ZC3H7A: variants seen among roughly 807,000 people sequenced by gnomAD.
ZC3H7A encodes the protein zinc finger CCCH-type containing 7A.
In ZC3H7A, 44 loss-of-function variants were observed where a neutral mutation model predicts 125.5. The observed-to-expected ratio is 0.35, with a 90% CI of 0.28 to 0.45. ZC3H7A has a LOEUF of 0.45. Among genes scored for constraint, ZC3H7A ranks in the 20% least tolerant of loss-of-function variants. ZC3H7A has a pLI of 1.00. For missense variants in ZC3H7A, 977 were observed against 1,170.7 expected (o/e 0.83, Z 2.41); for synonymous variants, 399 against 391.2 (o/e 1.02, Z -0.23).
chr16:11,791,159 C>T (rs187489664), intron 1 of ZC3H7A, among the ~76,000 whole-genome samples: 3 of 150,106 alleles, frequency 2.0e-5, no homozygotes, highest in Non-Finnish European at 4.4e-5. Context: ...TGCTTAAGAC[C>T]CTTCAGCAGT....
In ZC3H7A at chr16:11,765,168, G is replaced by GA. The variant is rs1567378318; in HGVS notation, c.1720-16dup. 7.0e-7 allele frequency: 1 copy of GA among 1,436,004 alleles called. No homozygotes were observed. Among genetic ancestry groups the GA allele is most frequent in the African/African-American group, 1.5e-5 (1 of 67,574 alleles). The allele number at this position is 1,436,004 out of a possible 1,614,324, so 89.0% of individuals were successfully genotyped here. A position where few individuals can be genotyped will look rare whatever the true frequency, so the allele number is the denominator to read the frequency against. ...TCAAAACATTTCTGGAATAGAGAGA[G>GA]AAAGATTATCAAAAAAAATACAAAA... On this transcript the variant is annotated splice_polypyrimidine_tract_variant and intron_variant, in intron 14 of 22. Coordinates refer to ENST00000355758, the MANE Select transcript of ZC3H7A (RefSeq NM_014153.4). The surrounding 1 kb of genome is among the most constrained non-coding windows in gnomAD (Gnocchi z 4.8).
At chr16:11,777,406 C>G (rs10492854) in intron 4 of ZC3H7A, among the ~76,000 whole-genome samples, 1 of 151,996 alleles carries the variant, frequency 6.6e-6, no homozygotes, top group African/African-American at 2.4e-5. Context: ...TATATTTTAC[C>G]GAGTATCCAC....
Position 11,780,462 on chromosome 16 carries a change from G to C in ZC3H7A, c.108+963C>G, listed in dbSNP as rs111871842. On this transcript the variant is annotated intron_variant, in intron 3 of 22. Transcript: ENST00000355758. ...AAAGCTCTTTTTCATCACAAGATCA[G>C]AAAAATATTCAACTTGTTTTGTCTC... Among the ~76,000 whole-genome samples, 772 of 152,186 alleles carry C rather than the reference G, an allele frequency of 5.1e-3. 3 individuals are homozygous for C. Among genetic ancestry groups the C allele is most frequent in the Non-Finnish European group, 7.6e-3 (516 of 68,002 alleles).
At chr16:11,773,751 C>T (rs1041350080) in intron 9 of ZC3H7A, among the ~76,000 whole-genome samples, 5 of 151,592 alleles carry the variant, frequency 3.3e-5, no homozygotes, top group African/African-American at 1.2e-4. Flanking sequence ...GGCGTGGTGG[C>T]GGGCGCCTGT....
intron 21 of ZC3H7A, chr16:11,753,517 C>G (rs1182475058): frequency 6.6e-6 from 1 of 152,384 alleles, no homozygotes; most frequent in Admixed American, 6.5e-5. Context: ...TCATAGCTCA[C>G]TGCAGCCTTG....
At chr16:11,758,809 CACTT>C (rs1307367250) in intron 19 of ZC3H7A, 4 of 370,198 alleles carry the variant, frequency 1.1e-5, no homozygotes, top group African/African-American at 4.3e-5. Context: ...TCTACAAACT[CACTT>C]ACTCAGAACA....
At chr16:11,784,103 A>G (rs137922129) in intron 1 of ZC3H7A, among the ~76,000 whole-genome samples, 4 of 152,340 alleles carry the variant, frequency 2.6e-5, no homozygotes, top group African/African-American at 7.2e-5. Flanking sequence ...ACATTACAAA[A>G]TAAGAAGTTT....
chr16:11,775,693 T>G (rs938822813), intron 7 of ZC3H7A: 1 of 152,186 alleles, frequency 6.6e-6, no homozygotes, highest in African/African-American at 2.4e-5. Context: ...AAAAACCCTT[T>G]GTTAATTTTA....
intron 9 of ZC3H7A, among the ~76,000 whole-genome samples, chr16:11,772,512 T>C (rs2053003161): frequency 6.6e-6 from 1 of 151,784 alleles, no homozygotes; most frequent in African/African-American, 2.4e-5. Flanking sequence ...TGATGCACTA[T>C]GATGAAGTAA....
At chr16:11,762,918 A>G (rs1465435415) in intron 16 of ZC3H7A, 171 bp from the exon 17 acceptor site, 4 of 562,292 alleles carry the variant, frequency 7.1e-6, no homozygotes, top group African/African-American at 3.8e-5. Context: ...AATATACACA[A>G]ATACAGCTCT....
intron 1 of ZC3H7A, among the ~76,000 whole-genome samples, chr16:11,788,958 T>C (rs1294572816): frequency 1.3e-5 from 2 of 151,790 alleles, no homozygotes; most frequent in African/African-American, 4.8e-5. Flanking sequence ...ATTGTGGGAG[T>C]GGTTACATGA....
At chr16:11,763,684 A>G (rs566112324) in intron 15 of ZC3H7A, 25 bp from the exon 16 acceptor site, 2 of 1,359,932 alleles carry the variant, frequency 1.5e-6, no homozygotes, top group South Asian at 1.5e-5. Flanking sequence ...GTGACATTTT[A>G]ATATTGTTCT....
chr16:11,782,196 C>T, intron 2 of ZC3H7A, 91 bp downstream of exon 2: 7 of 1,432,750 alleles, frequency 4.9e-6, no homozygotes, highest in Non-Finnish European at 5.9e-6. Flanking sequence ...ACCTATTAAA[C>T]ATGACTAAAG....
At position 11,754,551 on chromosome 16, in the gene ZC3H7A, C is replaced by G. The variant is rs139425085; in HGVS notation, c.2562+1686G>C. On this transcript the variant is annotated intron_variant, in intron 21 of 22. Coordinates refer to ENST00000355758, the MANE Select transcript of ZC3H7A (RefSeq NM_014153.4). ...AGAAATAAGGGCAGTAACACATATG[C>G]TTATGTAAACTTTTAAAACCACATC... Among the ~76,000 whole-genome samples, 479 of 151,976 alleles carry G rather than the reference C, an allele frequency of 3.2e-3. 2 individuals are homozygous for G. Among genetic ancestry groups the G allele is most frequent in the African/African-American group, 0.01 (433 of 41,470 alleles).
chr16:11,773,751 C>G (rs1041350080), intron 9 of ZC3H7A, among the ~76,000 whole-genome samples: 1 of 151,592 alleles, frequency 6.6e-6, no homozygotes, highest in African/African-American at 2.4e-5. Context: ...GGCGTGGTGG[C>G]GGGCGCCTGT....
chr16:11,797,237 C>G lies in ZC3H7A; in HGVS notation c.-148G>C, dbSNP rs2053458466. On this transcript the variant is annotated 5_prime_UTR_variant, in exon 1 of 23. Transcript: ENST00000355758. ...CCTGGGTGCTCGCTCGCAGCTCTCC[C>G]TCGGTTAGCGGCGGCGGCAGCGGCT... The G allele has an allele frequency of 3.3e-5, 5 of 151,168 alleles. 1 individual carries two copies. The South Asian group carries it at 8.8e-4, about 27-fold the overall frequency. The allele number at this position is 151,168 out of a possible 1,614,324, so 9.4% of individuals were successfully genotyped here.
In ZC3H7A at chr16:11,768,444, G is replaced by A; in HGVS notation, c.1231C>T (p.Pro411Ser). The change falls in exon 12 of 23, where the codon CCT becomes TCT. Residue 411 changes from proline (P) to serine (S), a missense_variant. Around this residue, in one of 3 missense-constraint regions of ZC3H7A, gnomAD observed 342 missense variants for 311.3 expected, o/e 1.10. Coordinates refer to ENST00000355758, the MANE Select transcript of ZC3H7A (RefSeq NM_014153.4). Reference protein sequence around the residue: ...SENFLGISSQPRNDFGNFFGS... With the variant: ...SENFLGISSQSRNDFGNFFGS... ...AAAAAGTTTCCAAAGTCATTTCTAG[G>A]CTGACTTGAAATTCCCAGGAAATTC... The A allele has an allele frequency of 6.4e-7, 1 of 1,562,354 alleles. No homozygotes were observed. Among genetic ancestry groups the A allele is most frequent in the Non-Finnish European group, 8.7e-7 (1 of 1,147,016 alleles).
At position 11,768,504 on chromosome 16, in the gene ZC3H7A, GC is replaced by G; in HGVS notation, c.1174-4del. On this transcript the variant is annotated splice_region_variant and splice_polypyrimidine_tract_variant and intron_variant, in intron 11 of 22. Transcript: ENST00000355758. Reference sequence around the variant, plus strand: ...AACAAACTACCTGGTCCATTCATCTGCAAGAAAAATAAGAAGAAAAAAAAAA... The same window carrying G: ...AACAAACTACCTGGTCCATTCATCTGAAGAAAAATAAGAAGAAAAAAAAAA... The G allele has an allele frequency of 7.4e-7, 1 of 1,345,638 alleles. No individual in the cohort carries two copies. The allele number at this position is 1,345,638 out of a possible 1,614,324, so 83.4% of individuals were successfully genotyped here.
intron 9 of ZC3H7A, among the ~76,000 whole-genome samples, chr16:11,771,217 A>G (rs1384565904): frequency 6.6e-6 from 1 of 152,022 alleles, no homozygotes; most frequent in African/African-American, 2.4e-5. Flanking sequence ...GTGAAACTCC[A>G]TCTCCACTAA....
Sources: gnomAD v4.1 joint callset for allele counts (sites outside exome capture counted in the v4.1 genomes callset) on GRCh38, gnomAD v4.1.1 for gene constraint, gnomAD v4.1.1 regional missense constraint, Gnocchi (gnomAD v3.1) non-coding constraint, MANE v1.5 for transcripts, NCBI Gene and HGNC (gene_info 2026-07-23, HGNC 2026-07-21) for gene names.